C3orf49: variants seen among roughly 807,000 people sequenced by gnomAD.
C3orf49 encodes putative uncharacterized protein C3orf49.
Under a neutral mutation model 13.3 loss-of-function variants are expected in C3orf49, and 27 were observed. That is an observed-to-expected ratio of 2.02 (90% CI 1.49 to 2.79). The LOEUF (loss-of-function observed/expected upper bound fraction) is 2.79. C3orf49 is among the 30% of genes most tolerant of loss of function. The probability of loss-of-function intolerance (pLI) is 0.00; values close to 1 mark genes in which losing one functional copy is unlikely to be tolerated. For missense variants in C3orf49, 242 were observed against 134.2 expected (o/e 1.80, Z -3.97); for synonymous variants, 87 against 47.6 (o/e 1.83, Z -3.40).
intron 5 of C3orf49, chr3:63,835,090 G>T: frequency 1.3e-6 from 2 of 1,491,740 alleles, no homozygotes; most frequent in East Asian, 2.3e-5. Context: ...TATTTCAAAA[G>T]GTACATCCCT....
the C3orf49 span, among the ~76,000 whole-genome samples, chr3:63,794,198 C>CACACA: frequency 5.7e-4 from 86 of 151,706 alleles, no homozygotes; most frequent in African/African-American, 1.9e-3. Flanking sequence ...CACACACACA[C>CACACA]ATTGTTGGAA....
chr3:63,780,245 G>T, the C3orf49 span, among the ~76,000 whole-genome samples: 1 of 152,064 alleles, frequency 6.6e-6, no homozygotes, highest in African/African-American at 2.4e-5. Context: ...GCGCTGTTTG[G>T]TTTTTTGTCC....
intron 5 of C3orf49, chr3:63,838,206 T>C (rs947589223): frequency 4.6e-5 from 42 of 914,738 alleles, no homozygotes; most frequent in Admixed American, 9.2e-5. Context: ...CAAAGTACTA[T>C]ATCATCTTAG....
the C3orf49 span, among the ~76,000 whole-genome samples, chr3:63,792,299 G>C: frequency 6.6e-6 from 1 of 152,166 alleles, no homozygotes; most frequent in African/African-American, 2.4e-5. Flanking sequence ...AAGAATTAAA[G>C]ATATTTTTCT....
At chr3:63,805,145 C>T in the C3orf49 span, 2 of 152,134 alleles carry the variant, frequency 1.3e-5, no homozygotes, top group African/African-American at 4.8e-5. Flanking sequence ...GAGACAGACA[C>T]AGTGACTTTG....
chr3:63,842,010 G>A (rs1701770675), intron 5 of C3orf49, among the ~76,000 whole-genome samples: 1 of 152,114 alleles, frequency 6.6e-6, no homozygotes, highest in Non-Finnish European at 1.5e-5. Flanking sequence ...AAAGTAATAG[G>A]AAAACAACAT....
rs1050655799 is a variant in C3orf49 at position 63,827,580 on chromosome 3, C to T, written c.446-21C>T. The T allele has an allele frequency of 7.2e-6, 5 of 698,414 alleles. No homozygotes were observed. In the African/African-American group the frequency reaches 8.8e-5, roughly 12 times the overall value. 43.3% of individuals were successfully genotyped at this position (698,414 alleles called of 1,614,324 possible). On this transcript the variant is annotated intron_variant, in intron 2 of 6. Coordinates refer to ENST00000295896, the MANE Select transcript of C3orf49 (RefSeq NM_001355236.2). ...TCCTCATTGTGATCCTTACAGATTC[C>T]TTTTTCCCCCTTTCTTGAAGCGACT...
intron 5 of C3orf49, chr3:63,835,263 TATATAGATATATAGACAGAC>T: frequency 6.2e-7 from 1 of 1,612,466 alleles, no homozygotes; most frequent in Non-Finnish European, 8.5e-7. Context: ...ATGACCTGTA[TATATAGATATATAGACAGAC>T]AGATAGACAG....
At chr3:63,789,099 G>A in the C3orf49 span, among the ~76,000 whole-genome samples, 69 of 152,162 alleles carry the variant, frequency 4.5e-4, no homozygotes, top group Non-Finnish European at 9.1e-4. Context: ...GAAGATGGGC[G>A]GCGGGCGAGC....
chr3:63,832,104 G>C (rs1426869073), intron 5 of C3orf49: 3 of 322,824 alleles, frequency 9.3e-6, no homozygotes, highest in African/African-American at 6.5e-5. Flanking sequence ...TGAGGCAGGA[G>C]AATTGCTTGA....
chr3:63,838,385 A>C (rs1190477860), intron 5 of C3orf49: 1 of 1,540,238 alleles, frequency 6.5e-7, no homozygotes, highest in Non-Finnish European at 8.9e-7. Context: ...TTTCCTTGTA[A>C]ATTTTTTCAT....
intron 3 of C3orf49, among the ~76,000 whole-genome samples, chr3:63,830,552 C>G (rs1701519479): frequency 1.3e-5 from 2 of 152,076 alleles, no homozygotes; most frequent in Admixed American, 6.6e-5. Flanking sequence ...GGAGCCATGA[C>G]CTGGGAATGA....
the C3orf49 span, among the ~76,000 whole-genome samples, chr3:63,800,721 G>A: frequency 6.6e-6 from 1 of 152,062 alleles, no homozygotes; most frequent in Non-Finnish European, 1.5e-5. Context: ...ATTAAAATTT[G>A]TCTTGTCCTT....
At chr3:63,831,964 C>G (rs761419371) in intron 5 of C3orf49, 120 bp downstream of exon 5, 20 of 582,502 alleles carry the variant, frequency 3.4e-5, no homozygotes, top group Non-Finnish European at 5.7e-5. Context: ...GGAGGCCGAG[C>G]GAGTGGATCA....
intron 5 of C3orf49, chr3:63,838,463 A>C (rs747413469): frequency 6.2e-7 from 1 of 1,610,454 alleles, no homozygotes; most frequent in African/African-American, 1.3e-5. Flanking sequence ...ATTCACATTG[A>C]GACAGCGTGC....
the C3orf49 span, among the ~76,000 whole-genome samples, chr3:63,796,772 A>T: frequency 6.6e-6 from 1 of 152,128 alleles, no homozygotes; most frequent in African/African-American, 2.4e-5. Context: ...TATTAAAGTG[A>T]TCTTTTAGAT....
upstream of C3orf49, among the ~76,000 whole-genome samples, chr3:63,816,769 C>CTTTTTTTTTTTTTTT (rs543894356): frequency 1.0e-5 from 1 of 97,172 alleles, no homozygotes; most frequent in Non-Finnish European, 1.8e-5. Flanking sequence ...CTTTTCTTTT[C>CTTTTTTTTTTTTTTT]TTTTTTTTTT....
the C3orf49 span, among the ~76,000 whole-genome samples, chr3:63,808,500 A>G: frequency 6.6e-6 from 1 of 151,800 alleles, no homozygotes; most frequent in Non-Finnish European, 1.5e-5. Context: ...TCTCTCTTTT[A>G]TTTGTTCTCT....
chr3:63,789,566 T>C, the C3orf49 span, among the ~76,000 whole-genome samples: 1 of 151,864 alleles, frequency 6.6e-6, no homozygotes, highest in Admixed American at 6.6e-5. Flanking sequence ...ATCCCAGCAC[T>C]TTGGGAGGCT....
Sources: allele counts gnomAD v4.1 joint callset (sites outside exome capture counted in the v4.1 genomes callset), GRCh38; gene constraint gnomAD v4.1.1; transcripts MANE v1.5; gene names NCBI Gene and HGNC (gene_info 2026-07-23, HGNC 2026-07-21).